TBC1D4: variants seen among roughly 807,000 people sequenced by gnomAD.
TBC1D4 encodes the protein TBC1 domain family member 4.
TBC1D4 carries 121 observed loss-of-function variants against 142.5 expected under a neutral mutation model. That is an observed-to-expected ratio of 0.85 (90% CI 0.73 to 0.99). The LOEUF (loss-of-function observed/expected upper bound fraction) is 0.99. Among genes scored for constraint, TBC1D4 ranks in the 50% least tolerant of loss-of-function variants. The pLI, the probability that TBC1D4 is intolerant of heterozygous loss-of-function variation, is 0.00. For synonymous variants in TBC1D4, 630 were observed against 628.2 expected (o/e 1.00, Z -0.04); for missense variants, 1,475 against 1,606.6 (o/e 0.92, Z 1.40).
intron 12 of TBC1D4, among the ~76,000 whole-genome samples, chr13:75,318,365 A>G (rs1796989572): frequency 6.6e-6 from 1 of 152,220 alleles, no homozygotes; most frequent in Admixed American, 6.5e-5. Context: ...GCAAGACTCT[A>G]TCTCTGAAGT....
At chr13:75,313,885 G>A (rs1395131229) in intron 12 of TBC1D4, among the ~76,000 whole-genome samples, 1 of 152,088 alleles carries the variant, frequency 6.6e-6, no homozygotes, top group Non-Finnish European at 1.5e-5. Context: ...TTAATACACT[G>A]GCATGCACTG....
chr13:75,438,421 T>A (rs1157740777), intron 1 of TBC1D4, among the ~76,000 whole-genome samples: 1 of 152,190 alleles, frequency 6.6e-6, no homozygotes, highest in Admixed American at 6.5e-5. Flanking sequence ...CAGTCACTTG[T>A]AAATGCCTAA....
At chr13:75,406,624 A>T (rs570595093) in intron 1 of TBC1D4, among the ~76,000 whole-genome samples, 1 of 152,296 alleles carries the variant, frequency 6.6e-6, no homozygotes, top group African/African-American at 2.4e-5. Context: ...CCTTTAGGGA[A>T]TTCATCTCTA....
chr13:75,310,802 C>T (rs943734029), intron 13 of TBC1D4, among the ~76,000 whole-genome samples: 3 of 152,162 alleles, frequency 2.0e-5, no homozygotes, highest in Non-Finnish European at 4.4e-5. Flanking sequence ...ATCCTCCTCC[C>T]ACCCTCCACC....
intron 10 of TBC1D4, among the ~76,000 whole-genome samples, chr13:75,325,095 T>C (rs1440285541): frequency 6.6e-6 from 1 of 152,204 alleles, no homozygotes; most frequent in Non-Finnish European, 1.5e-5. Context: ...TCTAAAATGA[T>C]TGATGTCTTT....
chr13:75,419,708 C>G (rs965261881), intron 1 of TBC1D4, among the ~76,000 whole-genome samples: 4 of 152,208 alleles, frequency 2.6e-5, no homozygotes, highest in Non-Finnish European at 4.4e-5. Flanking sequence ...TCACCTCCAT[C>G]TGGTACATAT....
chr13:75,407,421 G>A (rs1247405427), intron 1 of TBC1D4, among the ~76,000 whole-genome samples: 1 of 152,126 alleles, frequency 6.6e-6, no homozygotes. Flanking sequence ...CCACAGCAAT[G>A]GAAGCAAAAT....
chr13:75,293,251 C>A, intron 18 of TBC1D4, among the ~76,000 whole-genome samples: 1 of 152,294 alleles, frequency 6.6e-6, no homozygotes, highest in South Asian at 2.1e-4. Flanking sequence ...CAATAATATA[C>A]AACAGGGAGT....
In TBC1D4 at chr13:75,349,154, C is replaced by G; in HGVS notation, c.1408+16G>C. 6.2e-7 allele frequency: 1 copy of G among 1,613,934 alleles called. No individual in the cohort carries two copies. Among genetic ancestry groups the G allele is most frequent in the Middle Eastern group, 1.6e-4 (1 of 6,062 alleles). On this transcript the variant is annotated intron_variant, in intron 5 of 20. Coordinates refer to ENST00000377636, the MANE Select transcript of TBC1D4 (RefSeq NM_014832.5). Reference sequence around the variant, plus strand: ...AAAGCAAACTTCTCTTTTGCCAAAGCCACATTAAACTGTACCTTCAATCCT... The same window carrying G: ...AAAGCAAACTTCTCTTTTGCCAAAGGCACATTAAACTGTACCTTCAATCCT...
intron 5 of TBC1D4, among the ~76,000 whole-genome samples, chr13:75,347,651 T>C (rs892773626): frequency 1.3e-5 from 2 of 152,230 alleles, no homozygotes; most frequent in Admixed American, 6.5e-5. Context: ...ATATAAGCAA[T>C]CTTTGCCCTT....
Position 75,481,292 on chromosome 13 carries a change from A to AT in TBC1D4, c.475_476insA (p.Phe159TyrfsTer11). 1 of 1,522,586 alleles carries AT rather than the reference A, an allele frequency of 6.6e-7. No individual in the cohort carries two copies. The highest frequency in any genetic ancestry group is 1.1e-5 in the South Asian group (1 of 90,112). 94.3% of individuals were successfully genotyped at this position (1,522,586 alleles called of 1,614,324 possible). Reference sequence around the variant, plus strand: ...TGCCTGGCTGGGGTCTGTGGCGCGGAAAACGTGGCAGGCCATCTGCGACTC... The same window carrying AT: ...TGCCTGGCTGGGGTCTGTGGCGCGGATAAACGTGGCAGGCCATCTGCGACTC... On this transcript the variant is annotated frameshift_variant, in exon 1 of 21. Coordinates refer to ENST00000377636, the MANE Select transcript of TBC1D4 (RefSeq NM_014832.5). LOFTEE classifies it high-confidence loss of function.
chr13:75,386,710 A>C (rs1469444853), intron 1 of TBC1D4, among the ~76,000 whole-genome samples: 1 of 152,170 alleles, frequency 6.6e-6, no homozygotes, highest in African/African-American at 2.4e-5. Flanking sequence ...GAAATAATAA[A>C]ACCATAAAGA....
intron 1 of TBC1D4, among the ~76,000 whole-genome samples, chr13:75,441,456 C>T (rs1035338774): frequency 2.0e-5 from 3 of 152,126 alleles, no homozygotes; most frequent in South Asian, 2.1e-4. Flanking sequence ...TTTTGAATAT[C>T]TAATCAATCT....
intron 5 of TBC1D4, among the ~76,000 whole-genome samples, chr13:75,347,868 G>A (rs1039095427): frequency 6.6e-6 from 1 of 152,174 alleles, no homozygotes; most frequent in East Asian, 1.9e-4. Flanking sequence ...GGGCACAGTG[G>A]CTCATGCCTG....
intron 1 of TBC1D4, among the ~76,000 whole-genome samples, chr13:75,410,005 T>A (rs1885549330): frequency 6.6e-6 from 1 of 152,330 alleles, no homozygotes; most frequent in South Asian, 2.1e-4. Flanking sequence ...TTCACCAAAT[T>A]TGTTTATCTT....
intron 1 of TBC1D4, among the ~76,000 whole-genome samples, chr13:75,464,673 C>T (rs561626450): frequency 3.3e-5 from 5 of 152,178 alleles, no homozygotes; most frequent in South Asian, 4.1e-4. Context: ...GGGCTGGTCT[C>T]GGCACCTGGC....
At chr13:75,303,284 T>C (rs990364763) in intron 15 of TBC1D4, among the ~76,000 whole-genome samples, 32 of 151,928 alleles carry the variant, frequency 2.1e-4, no homozygotes, top group African/African-American at 6.0e-4. Context: ...ACCACTGCAC[T>C]CCAGCCTGGG....
Position 75,349,293 on chromosome 13 carries a change from C to T in TBC1D4, c.1285G>A (p.Val429Ile), listed in dbSNP as rs1881415170. The T allele has an allele frequency of 1.2e-6, 2 of 1,613,750 alleles. No homozygotes were observed. The highest frequency in any genetic ancestry group is 3.3e-4 in the Middle Eastern group (2 of 6,078). ...QCASESLVDE[V>I]MLTLKQAFST... ...AAGGCCTGTTTCAGAGTCAGCATTA[C>T]CTCATCAACCTACAGGAAGAAACAA... Residue 429 changes from valine (V) to isoleucine (I), a missense_variant, in exon 5 of 21, where the codon GTA becomes ATA. By Grantham distance (29) the Val-to-Ile change is conservative. Coordinates refer to ENST00000377636, the MANE Select transcript of TBC1D4 (RefSeq NM_014832.5).
rs560638081 is a variant in TBC1D4 at position 75,383,792 on chromosome 13, T to A, written c.499-21185A>T. 3.3e-3 allele frequency among the ~76,000 whole-genome samples: 503 copies of A among 152,330 alleles called. 1 individual carries two copies. Among genetic ancestry groups the A allele is most frequent in the African/African-American group, 0.011 (473 of 41,578 alleles). On this transcript the variant is annotated intron_variant, in intron 1 of 20. Coordinates refer to ENST00000377636, the MANE Select transcript of TBC1D4 (RefSeq NM_014832.5). Reference sequence around the variant, plus strand: ...AGGGGTCTTGGAATGTGTCCCCCACTGATAACGCGGGGCTACTGTATATAA... The same window carrying A: ...AGGGGTCTTGGAATGTGTCCCCCACAGATAACGCGGGGCTACTGTATATAA...
Sources: gnomAD v4.1 joint callset for allele counts (sites outside exome capture counted in the v4.1 genomes callset) on GRCh38, gnomAD v4.1.1 for gene constraint, MANE v1.5 for transcripts, NCBI Gene and HGNC (gene_info 2026-07-23, HGNC 2026-07-21) for gene names.